MTOR: variants seen among roughly 807,000 people sequenced by gnomAD.
MTOR encodes the protein mechanistic target of rapamycin kinase.
MTOR carries 70 observed loss-of-function variants against 319.8 expected under a neutral mutation model. The observed-to-expected ratio is 0.22, with a 90% CI of 0.18 to 0.27. MTOR has a LOEUF of 0.27. MTOR is among the 10% of genes least tolerant of loss of function. The probability of loss-of-function intolerance (pLI) is 1.00; values close to 1 mark genes in which losing one functional copy is unlikely to be tolerated. For missense variants in MTOR, 1,890 were observed against 3,274.4 expected, an observed-to-expected ratio of 0.58 and a Z score of 10.32; for synonymous variants, 1,183 against 1,211.4, an observed-to-expected ratio of 0.98 and a Z score of 0.49.
chr1:11,114,658 T>C (rs970698968), intron 52 of MTOR, 155 bp downstream of exon 52: 66 of 1,005,060 alleles, frequency 6.6e-5, no homozygotes, highest in South Asian at 1.3e-4. Flanking sequence ...CTTTCATAGA[T>C]AGGTCATTTC....
chr1:11,152,630 G>A (rs187759877), intron 30 of MTOR, among the ~76,000 whole-genome samples: 3 of 152,174 alleles, frequency 2.0e-5, no homozygotes, highest in African/African-American at 7.2e-5. Flanking sequence ...CAGGGGGTGC[G>A]GGTTGCCTAG....
At chr1:11,145,094 GGGT>G (rs758335032) in intron 32 of MTOR, 49 bp from the exon 33 acceptor site, 34 of 1,563,212 alleles carry the variant, frequency 2.2e-5, no homozygotes, top group Non-Finnish European at 2.9e-5. Flanking sequence ...TGGGAGCTTA[GGGT>G]TATTTTAGGG....
Position 11,134,370 on chromosome 1 carries a change from G to C in MTOR, c.5227C>G (p.Leu1743Val). 1 of 1,614,178 alleles carries C rather than the reference G, an allele frequency of 6.2e-7. No individual in the cohort carries two copies. Among genetic ancestry groups the C allele is most frequent in the Non-Finnish European group, 8.5e-7 (1 of 1,180,030 alleles). ...CCTCACCGGGCCATGAGCTTGTGCA[G>C]TTCCTGCTTATGCTGCTGGTCCTCA... is the stretch of plus-strand genomic sequence containing the variant. The part of the protein sequence containing the change: ...ATEDQQHKQE[L>V]HKLMARCFLK... The change falls in exon 37 of 58, where the codon CTG (leucine) becomes GTG (valine). Residue 1743 changes from leucine (L) to valine (V), a missense_variant. Transcript: ENST00000361445.
intron 28 of MTOR, chr1:11,189,252 C>G (rs186558291): frequency 4.5e-6 from 1 of 224,250 alleles, no homozygotes; most frequent in Non-Finnish European, 8.9e-6. Context: ...AGGCACCTGA[C>G]CCTCCCAGAT....
intron 19 of MTOR, among the ~76,000 whole-genome samples, chr1:11,227,598 T>C (rs1257823645): frequency 6.6e-6 from 1 of 151,588 alleles, no homozygotes; most frequent in Non-Finnish European, 1.5e-5. Context: ...TTGGTAGTAG[T>C]AGGGACATAT....
chr1:11,254,085 G>T, intron 5 of MTOR, 112 bp from the exon 6 acceptor site: 1 of 1,214,732 alleles, frequency 8.2e-7, no homozygotes, highest in Non-Finnish European at 1.2e-6. Flanking sequence ...CCTGCTCAGT[G>T]CCTAGTGCCA....
At position 11,237,978 on chromosome 1, in the gene MTOR, C is replaced by A. The variant is rs200228176; in HGVS notation, c.2073G>T (p.Glu691Asp). The A allele has an allele frequency of 6.2e-7, 1 of 1,614,234 alleles. No homozygotes were observed. The highest frequency in any genetic ancestry group is 8.5e-7 in the Non-Finnish European group (1 of 1,180,036). ...GAGCCACAAACAAGGCCTGCAAGTTCTCCGCCTGGGCCAGGTGTGCATCAA... is the reference window on the plus strand; with the variant it reads ...GAGCCACAAACAAGGCCTGCAAGTTATCCGCCTGGGCCAGGTGTGCATCAA... ...ERFDAHLAQA[E>D]NLQALFVALN... Residue 691 changes from glutamate (E) to aspartate (D), a missense_variant, in exon 13 of 58, where the codon GAG (glutamate) becomes GAT (aspartate). Transcript: ENST00000361445.
At chr1:11,259,924 A>G (rs986596122) in intron 1 of MTOR, among the ~76,000 whole-genome samples, 1 of 152,192 alleles carries the variant, frequency 6.6e-6, no homozygotes, top group Non-Finnish European at 1.5e-5. Context: ...AAACGAAAAC[A>G]AAAACAAGGT....
At chr1:11,139,501 C>T (rs373496379) in intron 35 of MTOR, 32 bp downstream of exon 35, 40 of 1,614,148 alleles carry the variant, frequency 2.5e-5, no homozygotes, top group Non-Finnish European at 3.4e-5. Context: ...TGGGGCCCTA[C>T]CTGCCCATGT....
intron 25 of MTOR, among the ~76,000 whole-genome samples, chr1:11,205,952 TAC>T (rs1167752806): frequency 3.9e-5 from 6 of 152,248 alleles, no homozygotes; most frequent in African/African-American, 1.4e-4. Context: ...CTCCCTGGGA[TAC>T]ACTGGAGATG....
intron 56 of MTOR, 72 bp from the exon 57 acceptor site, chr1:11,108,358 T>A: frequency 8.6e-7 from 1 of 1,156,286 alleles, no homozygotes; most frequent in Non-Finnish European, 1.3e-6. Context: ...CCTGTGGGCT[T>A]AACTGTCTAT....
At position 11,255,889 on chromosome 1, in the gene MTOR, G is replaced by A. The variant is rs562995776; in HGVS notation, c.705+103C>T. 68 of 999,356 alleles carry A rather than the reference G, an allele frequency of 6.8e-5. No individual in the cohort carries two copies. In the African/African-American group the frequency reaches 9.2e-4, roughly 14 times the overall value. The allele number at this position is 999,356 out of a possible 1,614,324, so 61.9% of individuals were successfully genotyped here. A position where few individuals can be genotyped will look rare whatever the true frequency, so the allele number is the denominator to read the frequency against. ...AATTCATTTGAGAGCAAACCAAAAC[G>A]TGATTCTTGCTCCATGGCAAGGGCT... On this transcript the variant is annotated intron_variant, in intron 5 of 57. Coordinates refer to ENST00000361445, the MANE Select transcript of MTOR (RefSeq NM_004958.4).
At chr1:11,243,413 C>G in intron 8 of MTOR, 113 bp from the exon 9 acceptor site, 2 of 1,006,238 alleles carry the variant, frequency 2.0e-6, no homozygotes. Flanking sequence ...AGAAAGTGGC[C>G]AGGCACAGTG....
chr1:11,149,988 G>A (rs1644081795), intron 31 of MTOR, 138 bp downstream of exon 31: 3 of 611,606 alleles, frequency 4.9e-6, no homozygotes, highest in Non-Finnish European at 8.5e-6. Context: ...GGAAGGTGTA[G>A]AAGTAGGTGG....
intron 28 of MTOR, chr1:11,189,785 A>C: frequency 6.2e-7 from 1 of 1,614,246 alleles, no homozygotes; most frequent in East Asian, 2.2e-5. Context: ...CTGAACAAGA[A>C]GCAGGAGAGG....
chr1:11,134,928 T>C (rs543467637), intron 36 of MTOR, among the ~76,000 whole-genome samples: 1 of 152,326 alleles, frequency 6.6e-6, no homozygotes, highest in South Asian at 2.1e-4. Flanking sequence ...TTAAAAATCA[T>C]ATAGCACCCA....
At chr1:11,154,168 AAACAACAACAACAAC>A (rs374971011) in intron 30 of MTOR, among the ~76,000 whole-genome samples, 26 of 149,016 alleles carry the variant, frequency 1.7e-4, no homozygotes, top group Non-Finnish European at 2.5e-4. Flanking sequence ...GGACTGAGAA[AAACAACAACAACAAC>A]AACAACAACA....
At chr1:11,108,032 G>A (rs1032103680) in intron 57 of MTOR, 149 bp downstream of exon 57, 10 of 586,298 alleles carry the variant, frequency 1.7e-5, no homozygotes, top group Middle Eastern at 4.7e-4. Flanking sequence ...ATGGGCACAT[G>A]CAGTAAATAT....
chr1:11,232,399 G>A (rs1021390637), intron 16 of MTOR, 37 bp downstream of exon 16: 5 of 1,514,548 alleles, frequency 3.3e-6, no homozygotes, highest in Non-Finnish European at 4.6e-6. Context: ...GGACTCATGG[G>A]GTCTGTCTTG....
Sources: gnomAD v4.1 joint callset for allele counts (sites outside exome capture counted in the v4.1 genomes callset) on GRCh38, gnomAD v4.1.1 for gene constraint, MANE v1.5 for transcripts, NCBI Gene and HGNC (gene_info 2026-07-23, HGNC 2026-07-21) for gene names.